Variants in ADSS2 observed in about 807,000 individuals in gnomAD.
The protein encoded by ADSS2 is adenylosuccinate synthase 2, also known as adenylosuccinate synthetase isozyme 2.
ADSS2 carries 30 observed loss-of-function variants against 60.0 expected under a neutral mutation model. The ratio of observed to expected loss-of-function variants is 0.50; its 90% confidence interval spans 0.37 to 0.68. The LOEUF (loss-of-function observed/expected upper bound fraction) is 0.68. ADSS2 is among the 30% of genes least tolerant of loss of function. The probability of loss-of-function intolerance (pLI) is 0.00; values close to 1 mark genes in which losing one functional copy is unlikely to be tolerated. For synonymous variants in ADSS2, 187 were observed against 193.1 expected (o/e 0.97, Z 0.26); for missense variants, 373 against 554.8 (o/e 0.67, Z 3.29).
intron 4 of ADSS2, 91 bp from the exon 5 acceptor site, chr1:244,424,478 C>T: frequency 9.8e-7 from 1 of 1,022,382 alleles, no homozygotes; most frequent in South Asian, 1.4e-5. Context: ...TTATAAATCC[C>T]TTCAGCCTCA....
In ADSS2 at chr1:244,420,165, C is replaced by T; in HGVS notation, c.790+5G>A. 6.2e-7 allele frequency: 1 copy of T among 1,612,966 alleles called. No homozygotes were observed. Among genetic ancestry groups the T allele is most frequent in the Non-Finnish European group, 8.5e-7 (1 of 1,179,374 alleles). ...TCCCTTAACTATAAGTCATATCTCA[C>T]TTACCAAAATCAATATCTAATAGTG... On this transcript the variant is annotated splice_donor_5th_base_variant and intron_variant, in intron 8 of 12. Transcript: ENST00000366535.
At chr1:244,450,890 T>C (rs1179229470) in intron 1 of ADSS2, among the ~76,000 whole-genome samples, 3 of 152,226 alleles carry the variant, frequency 2.0e-5, no homozygotes, top group Non-Finnish European at 4.4e-5. Flanking sequence ...TTGACATCCA[T>C]GTATTTACTT....
At chr1:244,450,814 C>A (rs962907808) in intron 1 of ADSS2, among the ~76,000 whole-genome samples, 1 of 152,210 alleles carries the variant, frequency 6.6e-6, no homozygotes, top group Non-Finnish European at 1.5e-5. Context: ...ATTACCACCT[C>A]GTTTTCCGAA....
chr1:244,437,821 C>G, intron 1 of ADSS2, 53 bp from the exon 2 acceptor site: 12 of 1,308,034 alleles, frequency 9.2e-6, no homozygotes, highest in Non-Finnish European at 1.2e-5. Context: ...CTACAAATAA[C>G]CTATCTCCCT....
intron 1 of ADSS2, among the ~76,000 whole-genome samples, chr1:244,450,268 C>T (rs1665506179): frequency 6.6e-6 from 1 of 152,154 alleles, no homozygotes; most frequent in Non-Finnish European, 1.5e-5. Flanking sequence ...CTGAAGATTG[C>T]TAAGGTACAA....
intron 1 of ADSS2, among the ~76,000 whole-genome samples, chr1:244,449,240 C>T (rs1025479485): frequency 2.0e-5 from 3 of 152,094 alleles, no homozygotes; most frequent in Non-Finnish European, 2.9e-5. Flanking sequence ...GCCAGTTTTT[C>T]TTTTTAAAAC....
intron 10 of ADSS2, among the ~76,000 whole-genome samples, 159 bp from the exon 11 acceptor site, chr1:244,416,237 A>T (rs1293645874): frequency 2.6e-5 from 4 of 152,236 alleles, no homozygotes; most frequent in Admixed American, 6.5e-5. Context: ...CGTGCCACAC[A>T]TAAGACGCTA....
chr1:244,415,945 TATA>T (rs751547117), intron 11 of ADSS2, 33 bp downstream of exon 11: 2 of 1,421,276 alleles, frequency 1.4e-6, no homozygotes, highest in Non-Finnish European at 2.0e-6. Flanking sequence ...ACATTCACCT[TATA>T]ATATCCTTTA....
chr1:244,450,141 C>T (rs1450879834), intron 1 of ADSS2, among the ~76,000 whole-genome samples: 1 of 152,176 alleles, frequency 6.6e-6, no homozygotes, highest in Non-Finnish European at 1.5e-5. Flanking sequence ...GCTCGGTATT[C>T]GGATACGTCT....
chr1:244,414,522 T>C (rs1664484194), intron 11 of ADSS2, among the ~76,000 whole-genome samples: 1 of 152,174 alleles, frequency 6.6e-6, no homozygotes, highest in African/African-American at 2.4e-5. Context: ...AAATCCAACA[T>C]GATAGGGGGA....
chr1:244,424,102 G>A (rs1399160565), intron 5 of ADSS2, 42 bp from the exon 6 acceptor site: 2 of 1,526,804 alleles, frequency 1.3e-6, no homozygotes, highest in African/African-American at 2.8e-5. Context: ...AGACAAGAAA[G>A]ATGTAGGTCT....
At chr1:244,424,278 C>T (rs555887754) in intron 5 of ADSS2, 43 bp downstream of exon 5, 3 of 1,559,286 alleles carry the variant, frequency 1.9e-6, no homozygotes, top group East Asian at 4.5e-5. Context: ...TAAAGGTCTG[C>T]ATATGCTTAA....
chr1:244,438,498 G>T (rs1310237398), intron 1 of ADSS2, among the ~76,000 whole-genome samples: 2 of 152,012 alleles, frequency 1.3e-5, no homozygotes, highest in Admixed American at 6.5e-5. Context: ...ACAAAAAGTA[G>T]GTACAAAGGA....
In ADSS2 at chr1:244,424,079, C is replaced by T. The variant is rs1197136273; in HGVS notation, c.474-19G>A. On this transcript the variant is annotated intron_variant, in intron 5 of 12. Coordinates refer to ENST00000366535, the MANE Select transcript of ADSS2 (RefSeq NM_001126.5). ...ACCCAAACTTAAAAACAAATCCAAA[C>T]AAGCTTTAAGTCAGACAAGAAAGAT... The T allele has an allele frequency of 6.3e-7, 1 of 1,597,976 alleles. No homozygotes were observed. The highest frequency in any genetic ancestry group is 1.1e-5 in the South Asian group (1 of 89,128).
At chr1:244,431,556 CAA>C (rs1311453742) in intron 4 of ADSS2, among the ~76,000 whole-genome samples, 1 of 152,142 alleles carries the variant, frequency 6.6e-6, no homozygotes, top group Non-Finnish European at 1.5e-5. Flanking sequence ...AAACAGCTAT[CAA>C]AGTCTTTGTT....
intron 7 of ADSS2, among the ~76,000 whole-genome samples, chr1:244,422,006 T>C (rs991429936): frequency 8.5e-5 from 13 of 152,166 alleles, no homozygotes; most frequent in African/African-American, 3.1e-4. Context: ...ATTTATTGCA[T>C]AGCTGAATAA....
chr1:244,410,240 G>A (rs1664380648), intron 12 of ADSS2, among the ~76,000 whole-genome samples: 1 of 152,074 alleles, frequency 6.6e-6, no homozygotes, highest in Admixed American at 6.6e-5. Flanking sequence ...TGCTGGGAGG[G>A]GCAACTAGTA....
At chr1:244,428,520 G>A (rs199503263) in intron 4 of ADSS2, among the ~76,000 whole-genome samples, 2 of 145,744 alleles carry the variant, frequency 1.4e-5, no homozygotes, top group East Asian at 2.6e-4. Context: ...GGAAGGAAGG[G>A]AGGGAGAGAG....
At chr1:244,432,328 G>T (rs904126670) in intron 4 of ADSS2, among the ~76,000 whole-genome samples, 2 of 151,984 alleles carry the variant, frequency 1.3e-5, no homozygotes, top group African/African-American at 4.8e-5. Flanking sequence ...TTATAAATTT[G>T]CTTAGCTAAC....
Sources: allele counts gnomAD v4.1 joint callset (sites outside exome capture counted in the v4.1 genomes callset), GRCh38; gene constraint gnomAD v4.1.1; transcripts MANE v1.5; gene names NCBI Gene and HGNC (gene_info 2026-07-23, HGNC 2026-07-21).